COL5A2: variants seen among roughly 807,000 people sequenced by gnomAD.
COL5A2 encodes the protein collagen type V alpha 2 chain.
COL5A2 carries 23 observed loss-of-function variants against 208.2 expected under a neutral mutation model. The observed-to-expected ratio is 0.11, with a 90% CI of 0.08 to 0.16. COL5A2 has a LOEUF of 0.16. COL5A2 is among the 10% of genes least tolerant of loss of function. The probability of loss-of-function intolerance (pLI) is 1.00; values close to 1 mark genes in which losing one functional copy is unlikely to be tolerated. For synonymous variants in COL5A2, 625 were observed against 628.5 expected (o/e 0.99, Z 0.08); for missense variants, 1,590 against 1,956.4 (o/e 0.81, Z 3.53).
At chr2:189,419,347 A>T in the COL5A2 span, among the ~76,000 whole-genome samples, 1 of 152,214 alleles carries the variant, frequency 6.6e-6, no homozygotes, top group Non-Finnish European at 1.5e-5. Context: ...TCACTAATGC[A>T]GGAAAGAATA....
chr2:189,145,727 G>A (rs2882732), intron 1 of COL5A2, among the ~76,000 whole-genome samples: 2,090 of 152,030 alleles, frequency 0.014, 39 homozygotes, highest in East Asian at 0.057. Flanking sequence ...TAGAGTATAG[G>A]GGAAGACCCA....
chr2:189,189,908 A>G (rs1424323905), intron 1 of COL5A2, among the ~76,000 whole-genome samples: 1 of 152,212 alleles, frequency 6.6e-6, no homozygotes, highest in East Asian at 1.9e-4. Context: ...AGAAATCAGC[A>G]GCAATCCAAA....
chr2:189,299,870 A>T, the COL5A2 span, among the ~76,000 whole-genome samples: 1 of 151,990 alleles, frequency 6.6e-6, no homozygotes, highest in Non-Finnish European at 1.5e-5. Context: ...ATGACATCTT[A>T]AAAAAAATAG....
chr2:189,080,792 ATTTC>A (rs1382762730), intron 13 of COL5A2, among the ~76,000 whole-genome samples, 194 bp downstream of exon 13: 1 of 152,196 alleles, frequency 6.6e-6, no homozygotes, highest in Non-Finnish European at 1.5e-5. Flanking sequence ...TTCAAAATAT[ATTTC>A]TTTATCAAAT....
intron 1 of COL5A2, among the ~76,000 whole-genome samples, chr2:189,189,772 C>A (rs752911990): frequency 6.6e-6 from 1 of 152,108 alleles, no homozygotes; most frequent in East Asian, 1.9e-4. Context: ...ATAACAAATA[C>A]GCATTAAGAA....
intron 26 of COL5A2, among the ~76,000 whole-genome samples, chr2:189,063,647 T>C (rs1181373637): frequency 6.6e-6 from 1 of 152,158 alleles, no homozygotes. Flanking sequence ...TACCTACTTA[T>C]CTCTTAAACA....
chr2:189,201,671 T>C (rs567921906), intron 1 of COL5A2, among the ~76,000 whole-genome samples: 2 of 152,104 alleles, frequency 1.3e-5, no homozygotes, highest in Admixed American at 6.5e-5. Context: ...ACACATTGCA[T>C]TGAAACTGTA....
At chr2:189,135,679 A>ATAAGAGAT (rs1687814783) in intron 1 of COL5A2, among the ~76,000 whole-genome samples, 1 of 152,214 alleles carries the variant, frequency 6.6e-6, no homozygotes, top group African/African-American at 2.4e-5. Flanking sequence ...CACATATTTT[A>ATAAGAGAT]TAAGAGATAT....
At chr2:189,393,539 T>C in the COL5A2 span, among the ~76,000 whole-genome samples, 1 of 152,130 alleles carries the variant, frequency 6.6e-6, no homozygotes, top group South Asian at 2.1e-4. Context: ...ATTGTCAAAG[T>C]AGTATCTGTA....
intron 31 of COL5A2, among the ~76,000 whole-genome samples, chr2:189,059,786 G>A (rs1015490780): frequency 2.7e-5 from 4 of 150,454 alleles, no homozygotes; most frequent in Non-Finnish European, 4.4e-5. Context: ...TAGTACAGAC[G>A]GTTGGCCAGG....
chr2:189,231,669 T>C, the COL5A2 span, among the ~76,000 whole-genome samples: 2 of 151,796 alleles, frequency 1.3e-5, no homozygotes, highest in Non-Finnish European at 1.5e-5. Flanking sequence ...TGTAGATATA[T>C]ATAGACAGAG....
intron 51 of COL5A2, 45 bp downstream of exon 51, chr2:189,039,227 A>G: frequency 6.2e-7 from 1 of 1,609,560 alleles, no homozygotes; most frequent in Non-Finnish European, 8.5e-7. Context: ...AGAATAAACA[A>G]TCAGAAACAA....
chr2:189,050,817 G>A (rs1012007198), intron 42 of COL5A2, 141 bp from the exon 43 acceptor site: 3 of 684,936 alleles, frequency 4.4e-6, no homozygotes, highest in Admixed American at 5.2e-5. Context: ...TACTGCATAT[G>A]AGTAGTCATA....
chr2:189,265,435 A>G, the COL5A2 span, among the ~76,000 whole-genome samples: 1 of 151,902 alleles, frequency 6.6e-6, no homozygotes, highest in Non-Finnish European at 1.5e-5. Flanking sequence ...CAGCCTTCCA[A>G]TCTCCATCAT....
At chr2:189,324,365 A>G in the COL5A2 span, among the ~76,000 whole-genome samples, 1 of 152,248 alleles carries the variant, frequency 6.6e-6, no homozygotes, top group African/African-American at 2.4e-5. Flanking sequence ...AACTACCATC[A>G]GAGTGAACAG....
At chr2:189,409,869 G>A in the COL5A2 span, among the ~76,000 whole-genome samples, 1 of 152,098 alleles carries the variant, frequency 6.6e-6, no homozygotes, top group Non-Finnish European at 1.5e-5. Flanking sequence ...ACAGTTTGAT[G>A]GAAACTTTAA....
chr2:189,093,472 C>A (rs1686832144), intron 6 of COL5A2, among the ~76,000 whole-genome samples: 1 of 152,120 alleles, frequency 6.6e-6, no homozygotes, highest in Admixed American at 6.5e-5. Flanking sequence ...GGAGCAAACA[C>A]AGGACAAGCT....
At chr2:189,154,324 C>G (rs1318837489) in intron 1 of COL5A2, among the ~76,000 whole-genome samples, 2 of 152,174 alleles carry the variant, frequency 1.3e-5, no homozygotes, top group Non-Finnish European at 2.9e-5. Flanking sequence ...AGTTAAAGTT[C>G]TAGCTCAAAA....
chr2:189,217,249 C>T (rs1344241852), intron 1 of COL5A2, among the ~76,000 whole-genome samples: 7 of 151,992 alleles, frequency 4.6e-5, no homozygotes, highest in East Asian at 1.9e-4. Flanking sequence ...TTAAAAGGAC[C>T]GTAATCAGTG....
Sources: allele counts gnomAD v4.1 joint callset (sites outside exome capture counted in the v4.1 genomes callset), GRCh38; gene constraint gnomAD v4.1.1; transcripts MANE v1.5; gene names NCBI Gene and HGNC (gene_info 2026-07-23, HGNC 2026-07-21).